Variants in ADARB2 observed in about 807,000 individuals in gnomAD.
ADARB2 encodes inactive double-stranded RNA-specific editase B2.
A neutral mutation model predicts 62.2 loss-of-function variants in ADARB2; 25 were observed. The ratio of observed to expected loss-of-function variants is 0.40; its 90% confidence interval spans 0.29 to 0.56. The LOEUF (loss-of-function observed/expected upper bound fraction) is 0.56, where lower values mean the gene tolerates loss of function less well. Among genes scored for constraint, ADARB2 ranks in the 20% least tolerant of loss-of-function variants. The probability of loss-of-function intolerance (pLI) is 0.43; values close to 1 mark genes in which losing one functional copy is unlikely to be tolerated. For synonymous variants in ADARB2, 572 were observed against 500.8 expected, an observed-to-expected ratio of 1.14 and a Z score of -1.90; for missense variants, 1,071 against 1,077.4, an observed-to-expected ratio of 0.99 and a Z score of 0.08.
At chr10:1,204,243 C>T (rs890062304) in intron 7 of ADARB2, among the ~76,000 whole-genome samples, 2 of 152,140 alleles carry the variant, frequency 1.3e-5, no homozygotes, top group East Asian at 1.9e-4. Context: ...ATTCTGGGGG[C>T]CTTTCAAGGT....
chr10:1,566,450 T>C (rs951294311), intron 1 of ADARB2, among the ~76,000 whole-genome samples: 32 of 152,242 alleles, frequency 2.1e-4, no homozygotes, highest in Non-Finnish European at 4.1e-4. Context: ...CCAGGTACCA[T>C]GAAATCCTAA....
chr10:1,270,994 C>A lies in ADARB2; in HGVS notation c.1153G>T (p.Ala385Ser), dbSNP rs776230414. Residue 385 changes from alanine to serine, a missense_variant, in exon 4 of 10, where the codon GCC (alanine) becomes TCC (serine). By Grantham distance (99) the Ala-to-Ser change is moderately conservative (BLOSUM62 1). Transcript: ENST00000381312. ...ATTCCTGCCAGCGCTTTATGGCGGG[C>A]GTGCATGGGCGTGAGGTCCGTCGTC... ...EVTTDLTPMH[A>S]RHKALAGIVM... The A allele has an allele frequency of 1.2e-6, 2 of 1,609,434 alleles. No homozygotes were observed. Among genetic ancestry groups the A allele is most frequent in the Admixed American group, 1.7e-5 (1 of 59,460 alleles).
chr10:1,201,003 G>T (rs527494195), intron 7 of ADARB2, among the ~76,000 whole-genome samples: 7 of 152,210 alleles, frequency 4.6e-5, no homozygotes, highest in African/African-American at 1.4e-4. Context: ...TTCCCTTCCC[G>T]AAGCAGTCAA....
chr10:1,676,016 T>C (rs1834463036), intron 1 of ADARB2: 4 of 985,178 alleles, frequency 4.1e-6, no homozygotes, highest in Non-Finnish European at 4.8e-6. Flanking sequence ...GGTAAGAGGC[T>C]GTGAGTCAGG....
intron 1 of ADARB2, among the ~76,000 whole-genome samples, chr10:1,561,808 A>G (rs1394366551): frequency 6.6e-6 from 1 of 152,198 alleles, no homozygotes; most frequent in Admixed American, 6.5e-5. Flanking sequence ...GATGTGGCCT[A>G]GAGCCGCTTT....
chr10:1,503,695 G>A (rs1269976773), intron 1 of ADARB2, among the ~76,000 whole-genome samples: 2 of 152,014 alleles, frequency 1.3e-5, no homozygotes, highest in African/African-American at 2.4e-5. Context: ...TCATGTAGGC[G>A]GATTTCTCAT....
intron 1 of ADARB2, among the ~76,000 whole-genome samples, chr10:1,732,463 T>C (rs1835246806): frequency 6.6e-6 from 1 of 152,212 alleles, no homozygotes; most frequent in African/African-American, 2.4e-5. Flanking sequence ...ACGTCATATC[T>C]AATGCCCTTG....
At chr10:1,662,910 CAT>C (rs1564361543) in intron 1 of ADARB2, among the ~76,000 whole-genome samples, 3 of 152,330 alleles carry the variant, frequency 2.0e-5, no homozygotes, top group Non-Finnish European at 4.4e-5. Context: ...CATTTGTACA[CAT>C]GTGGCCTGGG....
At chr10:1,212,343 G>A (rs576355105) in intron 7 of ADARB2, among the ~76,000 whole-genome samples, 1 of 152,332 alleles carries the variant, frequency 6.6e-6, no homozygotes, top group African/African-American at 2.4e-5. Flanking sequence ...GCTCAGAAAC[G>A]GCAAGTGCGG....
In ADARB2 at chr10:1,363,960, G is replaced by A. The variant is rs1454921536; in HGVS notation, c.188-43C>T. The A allele has an allele frequency of 2.8e-6, 4 of 1,417,802 alleles. No homozygotes were observed. The African/African-American group carries it at 4.5e-5, about 16-fold the overall frequency. The allele number at this position is 1,417,802 out of a possible 1,614,324, so 87.8% of individuals were successfully genotyped here. A position where few individuals can be genotyped will look rare whatever the true frequency, so the allele number is the denominator to read the frequency against. ...CCAGTCAGGAGCCTGGGCGGGCGCC[G>A]GCAGGTCGATGGGCACAGCAGGCAC... is the stretch of plus-strand genomic sequence containing the variant. On this transcript the variant is annotated intron_variant, in intron 2 of 9. Transcript: ENST00000381312.
At chr10:1,503,688 T>C (rs1457189454) in intron 1 of ADARB2, among the ~76,000 whole-genome samples, 1 of 152,246 alleles carries the variant, frequency 6.6e-6, no homozygotes, top group Admixed American at 6.5e-5. Context: ...GACTGGATCA[T>C]GTAGGCGGAT....
chr10:1,354,737 G>A (rs984514567), intron 3 of ADARB2, among the ~76,000 whole-genome samples: 5 of 152,196 alleles, frequency 3.3e-5, no homozygotes, highest in Non-Finnish European at 7.3e-5. Flanking sequence ...TCCTTTCTCT[G>A]GTTCATTTAA....
chr10:1,280,927 A>AC (rs1050412753), intron 3 of ADARB2, among the ~76,000 whole-genome samples: 1 of 152,180 alleles, frequency 6.6e-6, no homozygotes, highest in Non-Finnish European at 1.5e-5. Flanking sequence ...GGAATTAGCT[A>AC]CAGGCTGAGC....
rs1354895569 is a variant in ADARB2 at position 1,698,885 on chromosome 10, T to C, written c.100+38166A>G. 2.6e-5 allele frequency among the ~76,000 whole-genome samples: 4 copies of C among 152,178 alleles called. No individual in the cohort carries two copies. In the South Asian group the frequency reaches 6.2e-4, roughly 24 times the overall value. ...AGCAGTTCTCCCTGCCTCAGCCTCCTGAGTAGCTGGGATTACAGGCACCCA... is the reference window on the plus strand; with the variant it reads ...AGCAGTTCTCCCTGCCTCAGCCTCCCGAGTAGCTGGGATTACAGGCACCCA... On this transcript the variant is annotated intron_variant, in intron 1 of 9. Coordinates refer to ENST00000381312, the MANE Select transcript of ADARB2 (RefSeq NM_018702.4).
chr10:1,200,022 A>G lies in ADARB2; in HGVS notation c.1808T>C (p.Met603Thr). The change falls in exon 8 of 10, where the codon ATG becomes ACG. Residue 603 changes from methionine to threonine, a missense_variant. Met to Thr is a moderately conservative substitution (Grantham distance 81). Transcript: ENST00000381312. ...GHLARVMSHR[M>T]EGVGQLPASY... is the part of the protein sequence containing the mutation. ...GGCGGGCAGCTGGCCGACACCCTCC[A>G]TGCGGTGGCTCATGACGCGTGCGAG... is the stretch of plus-strand genomic sequence containing the variant. 1 of 1,590,834 alleles carries G rather than the reference A, an allele frequency of 6.3e-7. No individual in the cohort carries two copies. Among genetic ancestry groups the G allele is most frequent in the Non-Finnish European group, 8.5e-7 (1 of 1,173,178 alleles).
intron 4 of ADARB2, among the ~76,000 whole-genome samples, chr10:1,259,440 G>C (rs1458599918): frequency 2.0e-5 from 3 of 152,108 alleles, no homozygotes; most frequent in Non-Finnish European, 4.4e-5. Context: ...GAATCAAATA[G>C]ATGCAATAAA....
At chr10:1,340,942 T>C (rs1316672364) in intron 3 of ADARB2, among the ~76,000 whole-genome samples, 2 of 151,062 alleles carry the variant, frequency 1.3e-5, no homozygotes, top group Non-Finnish European at 2.9e-5. Context: ...GCAGTGGTGA[T>C]AATCAGCATC....
intron 1 of ADARB2, among the ~76,000 whole-genome samples, chr10:1,687,189 C>G (rs1834608571): frequency 6.6e-6 from 1 of 152,072 alleles, no homozygotes; most frequent in African/African-American, 2.4e-5. Flanking sequence ...ACACACCTAG[C>G]TGATTTTTGT....
intron 1 of ADARB2, among the ~76,000 whole-genome samples, chr10:1,619,474 T>G (rs1294288162): frequency 6.6e-6 from 1 of 152,162 alleles, no homozygotes; most frequent in Non-Finnish European, 1.5e-5. Flanking sequence ...TTTTGTTTTT[T>G]CAGAGTCTCG....
Sources: allele counts gnomAD v4.1 joint callset (sites outside exome capture counted in the v4.1 genomes callset), GRCh38; gene constraint gnomAD v4.1.1; transcripts MANE v1.5; gene names NCBI Gene and HGNC (gene_info 2026-07-23, HGNC 2026-07-21).